The following FLT1 variants were observed in gnomAD, a reference collection of about 807,000 sequenced individuals.
FLT1 encodes fms related receptor tyrosine kinase 1, also known as vascular endothelial growth factor receptor 1.
FLT1 carries 49 observed loss-of-function variants against 156.3 expected under a neutral mutation model. That is an observed-to-expected ratio of 0.31 (90% CI 0.25 to 0.40). The LOEUF is 0.40. FLT1 is among the 10% of genes least tolerant of loss of function. The pLI is 1.00. For synonymous variants in FLT1, 594 were observed against 583.8 expected (o/e 1.02, Z -0.25); for missense variants, 1,322 against 1,637.2 (o/e 0.81, Z 3.32).
At chr13:28,452,747 T>G (rs1416053015) in intron 3 of FLT1, among the ~76,000 whole-genome samples, 1 of 152,116 alleles carries the variant, frequency 6.6e-6, no homozygotes, top group African/African-American at 2.4e-5. Flanking sequence ...TTCTTTATAT[T>G]TTTAGATTAA....
chr13:28,393,549 T>C (rs543205404), intron 12 of FLT1, among the ~76,000 whole-genome samples: 1 of 152,222 alleles, frequency 6.6e-6, no homozygotes, highest in African/African-American at 2.4e-5. Context: ...TTTTCATCAA[T>C]TTGGAAGGCA....
intron 23 of FLT1, among the ~76,000 whole-genome samples, chr13:28,320,362 T>C (rs936202715): frequency 6.6e-6 from 1 of 152,200 alleles, no homozygotes; most frequent in African/African-American, 2.4e-5. Flanking sequence ...GTTTTCCTTC[T>C]ATACAACAGA....
rs1387615627 is a variant in FLT1 at position 28,438,242 on chromosome 13, G to T, written c.492C>A (p.Asn164Lys). The change falls in exon 4 of 30, where the codon AAC (asparagine) becomes AAA (lysine). Residue 164 changes from asparagine (N) to lysine (K), a missense_variant. By Grantham distance (94) the Asn-to-Lys change is moderately conservative. Transcript: ENST00000282397. ...TTACCTTTTTTAAAGTAACAGTGATGTTAGGTGACGTAACCCGGCAGGGAA... is the reference window on the plus strand; with the variant it reads ...TTACCTTTTTTAAAGTAACAGTGATTTTAGGTGACGTAACCCGGCAGGGAA... ...LVIPCRVTSPNITVTLKKFPL... is the reference protein window; with the variant it reads ...LVIPCRVTSPKITVTLKKFPL... 6.2e-7 allele frequency: 1 copy of T among 1,613,786 alleles called. No individual in the cohort carries two copies. The highest frequency in any genetic ancestry group is 8.5e-7 in the Non-Finnish European group (1 of 1,179,782).
At chr13:28,319,060 C>A (rs536890915) in intron 24 of FLT1, among the ~76,000 whole-genome samples, 1 of 151,934 alleles carries the variant, frequency 6.6e-6, no homozygotes, top group Non-Finnish European at 1.5e-5. Context: ...GTGGGAGACG[C>A]GGGGAGGGAA....
At chr13:28,314,121 C>T (rs555519798) in intron 25 of FLT1, among the ~76,000 whole-genome samples, 15 of 152,280 alleles carry the variant, frequency 9.9e-5, no homozygotes, top group Non-Finnish European at 2.2e-4. Context: ...TCACTTGAGC[C>T]TGGGAGGTTG....
chr13:28,419,622 G>A (rs1876872777), intron 10 of FLT1, among the ~76,000 whole-genome samples: 1 of 152,220 alleles, frequency 6.6e-6, no homozygotes, highest in African/African-American at 2.4e-5. Context: ...GCTCATGCCT[G>A]TAATCCCAGC....
In FLT1 at chr13:28,484,356, A is replaced by T. The variant is rs558382983; in HGVS notation, c.64+10424T>A. ...AGCTTTTTCCTCGGACCTGCCTGAT[A>T]TGAGCTTTTCTAGAATAAAGTGCTG... On this transcript the variant is annotated intron_variant, in intron 1 of 29. Coordinates refer to ENST00000282397, the MANE Select transcript of FLT1 (RefSeq NM_002019.4). 1.1e-4 allele frequency among the ~76,000 whole-genome samples: 16 copies of T among 152,318 alleles called. No individual in the cohort carries two copies. In the South Asian group the frequency reaches 3.3e-3, roughly 32 times the overall value.
intron 3 of FLT1, among the ~76,000 whole-genome samples, chr13:28,464,360 TA>T: frequency 1.3e-5 from 2 of 152,332 alleles, no homozygotes; most frequent in African/African-American, 4.8e-5. Flanking sequence ...GCAGACATGA[TA>T]AATACATGAC....
Position 28,322,290 on chromosome 13 carries a change from C to T in FLT1, c.3023G>A (p.Arg1008Lys). 1 of 1,612,676 alleles carries T rather than the reference C, an allele frequency of 6.2e-7. No individual in the cohort carries two copies. The highest frequency in any genetic ancestry group is 8.5e-7 in the Non-Finnish European group (1 of 1,178,646). ...DLISYSFQVA[R>K]GMEFLSSRKC... The stretch of plus-strand genomic sequence containing the variant: ...TCTGGAAGACAGGAACTCCATGCCT[C>T]TGGCCACTTGAAAACTGTAAGAAAT... The change falls in exon 22 of 30, where the codon AGA becomes AAA. Residue 1008 changes from arginine to lysine, a missense_variant. Around this residue, in one of 3 missense-constraint regions of FLT1, gnomAD observed 991 missense variants for 1,254.8 expected, o/e 0.79. Transcript: ENST00000282397. This position sits in a 1 kb window ranked among gnomAD's most constrained non-coding sequence, Gnocchi z 4.3.
chr13:28,485,661 C>T (rs1244068877), intron 1 of FLT1, among the ~76,000 whole-genome samples: 3 of 152,178 alleles, frequency 2.0e-5, no homozygotes, highest in African/African-American at 7.2e-5. Flanking sequence ...CGCAGAGAGG[C>T]ATCTGCTTCC....
At chr13:28,420,969 T>G (rs895211454) in intron 10 of FLT1, among the ~76,000 whole-genome samples, 1 of 152,054 alleles carries the variant, frequency 6.6e-6, no homozygotes, top group African/African-American at 2.4e-5. Context: ...CCTCTGCTTT[T>G]CTGTGATATT....
chr13:28,303,490 G>GA, intron 29 of FLT1, 122 bp from the exon 30 acceptor site: 5 of 689,024 alleles, frequency 7.3e-6, no homozygotes, highest in South Asian at 4.8e-5. Context: ...CATGGTTTTG[G>GA]AACCCCCCCC....
In FLT1 at chr13:28,306,356, C is replaced by T. The variant is rs1207066620; in HGVS notation, c.3815+322G>A. ...TGACAGCGGGGGCATCCTCTCCCAC[C>T]GCCGGGAGCGTGTCTCTGTCTGCAC... is the stretch of plus-strand genomic sequence containing the variant. On this transcript the variant is annotated intron_variant, in intron 29 of 29. Coordinates refer to ENST00000282397, the MANE Select transcript of FLT1 (RefSeq NM_002019.4). Among the ~76,000 whole-genome samples, 10 of 152,222 alleles carry T rather than the reference C, an allele frequency of 6.6e-5. No homozygotes were observed. In the East Asian group the frequency reaches 1.2e-3, roughly 18 times the overall value.
At chr13:28,311,929 A>G in intron 26 of FLT1, 64 bp downstream of exon 26, 2 of 1,241,416 alleles carry the variant, frequency 1.6e-6, no homozygotes, top group Non-Finnish European at 2.3e-6. Context: ...TAAAAAAAAA[A>G]CAAATAAAAT....
chr13:28,474,184 G>C (rs1461925560), intron 1 of FLT1, among the ~76,000 whole-genome samples: 1 of 152,098 alleles, frequency 6.6e-6, no homozygotes, highest in African/African-American at 2.4e-5. Context: ...GGCCGGGCAT[G>C]GTGGCTTATG....
chr13:28,322,694 GT>G lies in FLT1; in HGVS notation c.2953+95del. ...ATTACCATTCGAGTCTCCCACGGAT[GT>G]TTATTAGAGTGATAAATAAGAAAAA... On this transcript the variant is annotated intron_variant, in intron 21 of 29. Transcript: ENST00000282397. This position sits in a 1 kb window ranked among gnomAD's most constrained non-coding sequence, Gnocchi z 4.3. 1 of 1,086,918 alleles carries G rather than the reference GT, an allele frequency of 9.2e-7. No individual in the cohort carries two copies. The highest frequency in any genetic ancestry group is 1.7e-5 in the Admixed American group (1 of 58,978). 67.3% of individuals were successfully genotyped at this position (1,086,918 alleles called of 1,614,324 possible). A position where few individuals can be genotyped will look rare whatever the true frequency, so the allele number is the denominator to read the frequency against.
At chr13:28,364,698 T>TC (rs1873225623) in intron 14 of FLT1, among the ~76,000 whole-genome samples, 1 of 152,196 alleles carries the variant, frequency 6.6e-6, no homozygotes, top group Admixed American at 6.5e-5. Flanking sequence ...TACCACTAAG[T>TC]CGTTGTGCCA....
intron 17 of FLT1, among the ~76,000 whole-genome samples, chr13:28,334,725 A>C (rs149249295): frequency 6.6e-5 from 10 of 152,344 alleles, no homozygotes; most frequent in South Asian, 4.1e-4. Flanking sequence ...AGCCTGGTCA[A>C]CCACTGGTAG....
chr13:28,347,112 ACTAT>A (rs2138861138), intron 15 of FLT1, among the ~76,000 whole-genome samples: 1 of 152,332 alleles, frequency 6.6e-6, no homozygotes, highest in South Asian at 2.1e-4. Flanking sequence ...AATATATACT[ACTAT>A]CTAATAGTAA....
Sources: allele counts gnomAD v4.1 joint callset (sites outside exome capture counted in the v4.1 genomes callset), GRCh38; gene constraint gnomAD v4.1.1; regional missense constraint gnomAD v4.1.1; non-coding constraint Gnocchi (gnomAD v3.1); transcripts MANE v1.5; gene names NCBI Gene and HGNC (gene_info 2026-07-23, HGNC 2026-07-21).